PTPRE: variants seen among roughly 807,000 people sequenced by gnomAD.
PTPRE encodes the protein receptor-type tyrosine-protein phosphatase epsilon.
A neutral mutation model predicts 102.0 loss-of-function variants in PTPRE; 51 were observed. That is an observed-to-expected ratio of 0.50 (90% confidence interval 0.40 to 0.63). The LOEUF is 0.63. Among genes scored for constraint, PTPRE ranks in the 30% least tolerant of loss-of-function variants. The probability of loss-of-function intolerance (pLI) is 0.00; values close to 1 mark genes in which losing one functional copy is unlikely to be tolerated. For synonymous variants in PTPRE, 345 were observed against 348.2 expected (o/e 0.99, Z 0.10); for missense variants, 752 against 915.1 (o/e 0.82, Z 2.30).
At chr10:128,016,692 C>T (rs889022854) in intron 2 of PTPRE, among the ~76,000 whole-genome samples, 8 of 152,042 alleles carry the variant, frequency 5.3e-5, no homozygotes, top group Admixed American at 3.3e-4. Context: ...CAGGGACAGC[C>T]AGAAAGGTCT....
chr10:127,917,173 G>A (rs926554373), intron 1 of PTPRE, among the ~76,000 whole-genome samples: 3 of 151,308 alleles, frequency 2.0e-5, no homozygotes, highest in South Asian at 2.1e-4. Context: ...GGATGCATCC[G>A]GACCAGACAC....
intron 1 of PTPRE, among the ~76,000 whole-genome samples, chr10:127,946,335 C>T (rs914486589): frequency 2.6e-5 from 4 of 152,112 alleles, no homozygotes; most frequent in African/African-American, 9.7e-5. Flanking sequence ...GCTCAAGGGC[C>T]TAGGAAGAAA....
At chr10:127,908,246 G>A (rs1017420620) in intron 1 of PTPRE, among the ~76,000 whole-genome samples, 1 of 152,168 alleles carries the variant, frequency 6.6e-6, no homozygotes, top group Non-Finnish European at 1.5e-5. Flanking sequence ...TGAGCGTATA[G>A]GTGAGTTGAA....
chr10:127,975,026 G>A (rs558355718), intron 1 of PTPRE, among the ~76,000 whole-genome samples: 6 of 152,198 alleles, frequency 3.9e-5, no homozygotes, highest in Non-Finnish European at 5.9e-5. Context: ...GGCACCAGGA[G>A]GGATACAACC....
At chr10:127,911,637 C>T (rs1309926327) in intron 1 of PTPRE, among the ~76,000 whole-genome samples, 1 of 152,222 alleles carries the variant, frequency 6.6e-6, no homozygotes, top group Non-Finnish European at 1.5e-5. Flanking sequence ...GATTTCACCC[C>T]TTCCCCACCA....
At chr10:128,022,764 C>T (rs1846004073) in intron 2 of PTPRE, among the ~76,000 whole-genome samples, 5 of 152,224 alleles carry the variant, frequency 3.3e-5, no homozygotes, top group Admixed American at 3.3e-4. Context: ...CAGGCGGGCA[C>T]AGGGGCCTGG....
At chr10:128,067,901 G>A (rs1271297729) in intron 11 of PTPRE, among the ~76,000 whole-genome samples, 4 of 152,152 alleles carry the variant, frequency 2.6e-5, no homozygotes, top group South Asian at 4.1e-4. Flanking sequence ...GGGCATAGAC[G>A]GTTGCTGCGG....
At chr10:127,934,543 G>A (rs555069316) in intron 1 of PTPRE, 3 of 152,330 alleles carry the variant, frequency 2.0e-5, no homozygotes, top group African/African-American at 4.8e-5. Context: ...GATAAGTCAC[G>A]TCTTTGGGGG....
intron 19 of PTPRE, among the ~76,000 whole-genome samples, chr10:128,078,949 C>A (rs932626797): frequency 3.3e-5 from 5 of 152,206 alleles, no homozygotes; most frequent in African/African-American, 1.2e-4. Flanking sequence ...CAGCCCAGTA[C>A]ACCTGGGCTC....
At chr10:128,071,642 C>T (rs1036280912) in intron 15 of PTPRE, 21 of 155,218 alleles carry the variant, frequency 1.4e-4, no homozygotes, top group African/African-American at 4.6e-4. Context: ...GGGTGTGCCT[C>T]GTTATAGACT....
chr10:128,015,528 A>G (rs1268611655), intron 2 of PTPRE, among the ~76,000 whole-genome samples: 2 of 151,962 alleles, frequency 1.3e-5, no homozygotes, highest in East Asian at 3.9e-4. Flanking sequence ...CACCACACCT[A>G]GCTAATTTTT....
chr10:127,930,772 T>G (rs1338806679), intron 1 of PTPRE, among the ~76,000 whole-genome samples: 1 of 152,002 alleles, frequency 6.6e-6, no homozygotes, highest in East Asian at 1.9e-4. Context: ...TATTGCCAGT[T>G]ATTTATTTTT....
chr10:128,079,244 A>T (rs908679487), intron 19 of PTPRE, among the ~76,000 whole-genome samples: 1 of 152,136 alleles, frequency 6.6e-6, no homozygotes, highest in Non-Finnish European at 1.5e-5. Context: ...CAGGGACCAC[A>T]CTTTGAGAAC....
intron 1 of PTPRE, among the ~76,000 whole-genome samples, chr10:127,910,441 T>C (rs991854105): frequency 2.0e-5 from 3 of 152,236 alleles, no homozygotes; most frequent in African/African-American, 4.8e-5. Context: ...TTTCTGCCTG[T>C]CCTAAAGCAC....
At chr10:128,059,676 G>A (rs557924566) in intron 7 of PTPRE, among the ~76,000 whole-genome samples, 86 of 152,272 alleles carry the variant, frequency 5.6e-4, no homozygotes, top group Middle Eastern at 3.4e-3. Context: ...TGGCCGAGCC[G>A]GACGTTCCTG....
chr10:128,024,640 T>C (rs1247559871), intron 2 of PTPRE, among the ~76,000 whole-genome samples: 2 of 152,198 alleles, frequency 1.3e-5, no homozygotes, highest in Non-Finnish European at 2.9e-5. Context: ...GTCCTTGGCC[T>C]GGGTGGAGTG....
chr10:128,069,363 G>T, intron 12 of PTPRE: 1 of 231,122 alleles, frequency 4.3e-6, no homozygotes, highest in South Asian at 1.1e-4. Context: ...CTCCCAGGGG[G>T]ACAGATCTAG....
At chr10:128,064,746 G>A (rs890311999) in intron 10 of PTPRE, among the ~76,000 whole-genome samples, 5 of 152,194 alleles carry the variant, frequency 3.3e-5, no homozygotes, top group East Asian at 1.9e-4. Flanking sequence ...CTGCTGCCGC[G>A]TCCTCATTCT....
At chr10:127,925,426 G>T (rs1445395806) in intron 1 of PTPRE, among the ~76,000 whole-genome samples, 6 of 152,202 alleles carry the variant, frequency 3.9e-5, no homozygotes, top group Non-Finnish European at 7.3e-5. Context: ...GGGTGGATTA[G>T]TTGTGGCTCC....
Sources: allele counts gnomAD v4.1 joint callset (sites outside exome capture counted in the v4.1 genomes callset), GRCh38; gene constraint gnomAD v4.1.1; transcripts MANE v1.5; gene names NCBI Gene and HGNC (gene_info 2026-07-23, HGNC 2026-07-21).